The following FADS2 variants were observed in gnomAD, a reference collection of about 807,000 sequenced individuals.
The protein encoded by FADS2 is acyl-CoA 6-desaturase.
In FADS2, 18 loss-of-function variants were observed where a neutral mutation model predicts 61.2. The observed-to-expected ratio is 0.29, with a 90% CI of 0.20 to 0.44. The LOEUF is 0.44. FADS2 is among the 20% of genes least tolerant of loss of function. The pLI is 1.00. For synonymous variants in FADS2, 203 were observed against 223.9 expected, an observed-to-expected ratio of 0.91 and a Z score of 0.83; for missense variants, 322 against 572.7, an observed-to-expected ratio of 0.56 and a Z score of 4.47.
chr11:61,852,162 A>G (rs960405317), intron 5 of FADS2, among the ~76,000 whole-genome samples: 1 of 152,034 alleles, frequency 6.6e-6, no homozygotes, highest in Non-Finnish European at 1.5e-5. Flanking sequence ...CACCGTCTGG[A>G]TGACTTGGGG....
intron 2 of FADS2, among the ~76,000 whole-genome samples, chr11:61,839,523 A>G (rs1159446825): frequency 6.6e-6 from 1 of 151,984 alleles, no homozygotes; most frequent in Non-Finnish European, 1.5e-5. Flanking sequence ...GAGTTTCACT[A>G]TGTTGGCCAG....
chr11:61,863,586 G>C, intron 9 of FADS2, 121 bp from the exon 10 acceptor site: 1 of 862,124 alleles, frequency 1.2e-6, no homozygotes, highest in South Asian at 1.5e-5. Context: ...AGGCCATCAG[G>C]CAGGACGGTA....
chr11:61,830,838 A>G (rs1213016188), intron 1 of FADS2, among the ~76,000 whole-genome samples: 1 of 152,226 alleles, frequency 6.6e-6, no homozygotes, highest in Admixed American at 6.5e-5. Flanking sequence ...GATGAATGCA[A>G]TGGGGTGTTA....
chr11:61,826,115 C>T (rs1020330929), upstream of FADS2: 5 of 702,634 alleles, frequency 7.1e-6, no homozygotes, highest in East Asian at 8.0e-5. Context: ...ACCTGCTTTA[C>T]GGATGTCCAA....
In FADS2 at chr11:61,817,591, C is replaced by T. The variant is rs187950512; in HGVS notation, c.141+1165C>T. ...TGGGATCCTTGAGTGATGATCCTAG[C>T]GTCTCCTGACCCTTAGGTGTTTCAC... On this transcript the variant is annotated intron_variant, in intron 1 of 11. Transcript: ENST00000257261. Among the ~76,000 whole-genome samples, 22 of 152,252 alleles carry T rather than the reference C, an allele frequency of 1.4e-4. No homozygotes were observed. The East Asian group carries it at 3.9e-3, about 27-fold the overall frequency.
intron 5 of FADS2, chr11:61,855,788 T>C (rs1007489315): frequency 3.3e-5 from 5 of 152,320 alleles, no homozygotes; most frequent in Non-Finnish European, 5.9e-5. Context: ...GGCCTAGGCA[T>C]CATCCAAGGT....
chr11:61,834,636 T>A (rs2067155866), intron 1 of FADS2, among the ~76,000 whole-genome samples: 2 of 151,874 alleles, frequency 1.3e-5, no homozygotes, highest in South Asian at 4.2e-4. Flanking sequence ...TGGAGATGAG[T>A]CTATTTGCAA....
rs1310854326 is a variant in FADS2 at position 61,816,345 on chromosome 11, C to T, written c.60C>T (p.Pro20=). 6.3e-7 allele frequency: 1 copy of T among 1,598,294 alleles called. No individual in the cohort carries two copies. The highest frequency in any genetic ancestry group is 8.5e-7 in the Non-Finnish European group (1 of 1,179,788). ...TGTGCGTGTTGTTGGCCTCCATCCC[C>T]ACTCCCCAGACTCCACTTCTCCAGG... Residue 20 remains proline, a synonymous_variant, in exon 1 of 12, where the codon CCC becomes CCT. Coordinates refer to the FADS2 transcript ENST00000257261. The surrounding 1 kb of genome is among the most constrained non-coding windows in gnomAD (Gnocchi z 7.0).
intron 5 of FADS2, chr11:61,854,206 A>G (rs2067335487): frequency 6.6e-6 from 1 of 152,180 alleles, no homozygotes. Flanking sequence ...ACTCCTCTGG[A>G]GGAGGAGATG....
intron 7 of FADS2, among the ~76,000 whole-genome samples, chr11:61,861,365 A>AAAAAAAAAAAAC (rs1555078418): frequency 7.6e-6 from 1 of 130,790 alleles, no homozygotes; most frequent in Admixed American, 7.9e-5. Context: ...AAAAAAAAAA[A>AAAAAAAAAAAAC]AAAAAACAGA....
At chr11:61,856,832 G>A in intron 5 of FADS2, 179 bp from the exon 6 acceptor site, 1 of 620,144 alleles carries the variant, frequency 1.6e-6, no homozygotes, top group South Asian at 2.0e-5. Context: ...TGTAGCATGG[G>A]GAGCCCAGAG....
At chr11:61,862,732 C>T in intron 7 of FADS2, 1 of 536,676 alleles carries the variant, frequency 1.9e-6, no homozygotes, top group East Asian at 3.3e-5. Flanking sequence ...GTCCGTTTCT[C>T]TCCCGAAAAA....
At chr11:61,832,107 G>C (rs1220164430) in intron 1 of FADS2, among the ~76,000 whole-genome samples, 1 of 152,142 alleles carries the variant, frequency 6.6e-6, no homozygotes, top group African/African-American at 2.4e-5. Flanking sequence ...TGGACCCTCT[G>C]CCTCTAGACA....
chr11:61,848,052 CCCGAGGGTTGAAGGTT>C, intron 4 of FADS2, 91 bp from the exon 5 acceptor site: 2 of 1,393,186 alleles, frequency 1.4e-6, no homozygotes, highest in Admixed American at 3.8e-5. Flanking sequence ...AAGTGCTATC[CCCGAGGGTTGAAGGTT>C]CCGGGAACTG....
chr11:61,859,458 C>A (rs376190098), intron 7 of FADS2, among the ~76,000 whole-genome samples: 1 of 152,192 alleles, frequency 6.6e-6, no homozygotes, highest in Non-Finnish European at 1.5e-5. Flanking sequence ...AGTCTTGGAC[C>A]CATATATCCA....
intron 4 of FADS2, chr11:61,847,890 G>C (rs2067273497): frequency 4.7e-6 from 2 of 423,032 alleles, no homozygotes. Context: ...CTCACCGTGT[G>C]GTCCCTCAGC....
At chr11:61,816,203 A>T, upstream of FADS2, 1 of 1,539,738 alleles carries the variant, frequency 6.5e-7, no homozygotes, top group Non-Finnish European at 8.8e-7. The surrounding 1 kb of genome is among the most constrained non-coding windows in gnomAD (Gnocchi z 7.0). Flanking sequence ...GGCGGCCTGC[A>T]TCCTTGCTCT....
upstream of FADS2, chr11:61,828,136 T>C: frequency 7.3e-7 from 1 of 1,374,280 alleles, no homozygotes; most frequent in South Asian, 1.6e-5. The surrounding 1 kb of genome is among the most constrained non-coding windows in gnomAD (Gnocchi z 6.4). Context: ...GCGGGAGGGC[T>C]GAGGGAGGGG....
intron 7 of FADS2, chr11:61,862,689 AC>A (rs1591182016): frequency 2.3e-6 from 1 of 431,186 alleles, no homozygotes. Flanking sequence ...GCTGACCCCC[AC>A]CCCTACCCCA....
Sources: gnomAD v4.1 joint callset for allele counts (sites outside exome capture counted in the v4.1 genomes callset) on GRCh38, gnomAD v4.1.1 for gene constraint, Gnocchi (gnomAD v3.1) non-coding constraint, MANE v1.5 for transcripts, NCBI Gene and HGNC (gene_info 2026-07-23, HGNC 2026-07-21) for gene names.